The following NAV2 variants were observed in gnomAD, a reference collection of about 807,000 sequenced individuals.
NAV2 encodes helicase, APC down-regulated 1.
In NAV2, 54 loss-of-function variants were observed where a neutral mutation model predicts 223.2. That is an observed-to-expected ratio of 0.24 (90% CI 0.19 to 0.30). The LOEUF (loss-of-function observed/expected upper bound fraction) is 0.30, where lower values mean the gene tolerates loss of function less well. Ranked by LOEUF, NAV2 falls within the 10% of genes least tolerant of loss-of-function variation. The pLI, the probability that NAV2 is intolerant of heterozygous loss-of-function variation, is 1.00. For missense variants in NAV2, 2,806 were observed against 3,147.5 expected (o/e 0.89, Z 2.60); for synonymous variants, 1,279 against 1,239.3 (o/e 1.03, Z -0.67).
rs561630155 is a variant in NAV2 at position 19,723,266 on chromosome 11, C to T, written c.267+9304C>T. On this transcript the variant is annotated intron_variant, in intron 1 of 37. Transcript: ENST00000349880. ...TACATAATCTCATTTAATCCTCAAA[C>T]GAACTTTCTGAGCTGATATTATTGA... Among the ~76,000 whole-genome samples the T allele has an allele frequency of 3.5e-4, 54 of 152,330 alleles. 1 individual carries two copies. The highest frequency in any genetic ancestry group is 1.2e-3 in the South Asian group (6 of 4,822).
intron 11 of NAV2, among the ~76,000 whole-genome samples, chr11:20,025,777 G>C (rs1041580439): frequency 1.3e-5 from 2 of 152,170 alleles, no homozygotes; most frequent in African/African-American, 4.8e-5. Context: ...TGTAGACGTT[G>C]CTTCTCCCCT....
intron 11 of NAV2, among the ~76,000 whole-genome samples, chr11:20,003,881 G>A (rs1448760953): frequency 6.6e-6 from 1 of 152,174 alleles, no homozygotes; most frequent in Non-Finnish European, 1.5e-5. Context: ...CAGCCATTCT[G>A]TTCATTGGAT....
chr11:19,805,772 C>A (rs376694012), intron 1 of NAV2, among the ~76,000 whole-genome samples: 17 of 152,182 alleles, frequency 1.1e-4, no homozygotes, highest in Non-Finnish European at 2.1e-4. Context: ...CTTTACCAAA[C>A]GTACTTCTCA....
At chr11:19,852,922 T>C (rs1401068090) in intron 3 of NAV2, among the ~76,000 whole-genome samples, 1 of 152,238 alleles carries the variant, frequency 6.6e-6, no homozygotes, top group African/African-American at 2.4e-5. Context: ...GTTTAAGTGC[T>C]CTCAAGAAAT....
At chr11:19,948,084 A>AT (rs35277859) in intron 9 of NAV2, among the ~76,000 whole-genome samples, 10,520 of 146,684 alleles carry the variant, frequency 0.072, 500 homozygotes, top group South Asian at 0.13. Context: ...GAAAATTCTT[A>AT]TTTTTTTTTT....
chr11:19,628,074 T>C (rs2047222916), intron 1 of NAV2, among the ~76,000 whole-genome samples: 1 of 152,176 alleles, frequency 6.6e-6, no homozygotes, highest in Non-Finnish European at 1.5e-5. Flanking sequence ...TAATCACCAC[T>C]GGGGAGAATC....
At chr11:20,105,766 C>A in intron 35 of NAV2, 39 bp downstream of exon 35, 1 of 1,527,344 alleles carries the variant, frequency 6.5e-7, no homozygotes, top group Non-Finnish European at 9.0e-7. Context: ...GGGCTGGCAT[C>A]CTCAGGTGCC....
intron 1 of NAV2, among the ~76,000 whole-genome samples, chr11:19,680,008 C>CAGGA (rs1162959821): frequency 1.3e-5 from 2 of 152,142 alleles, no homozygotes; most frequent in Non-Finnish European, 2.9e-5. Context: ...GGGGCAAAGA[C>CAGGA]AGGACATCCT....
intron 1 of NAV2, among the ~76,000 whole-genome samples, chr11:19,454,071 G>A (rs1382226613): frequency 2.0e-5 from 3 of 152,156 alleles, no homozygotes; most frequent in Non-Finnish European, 4.4e-5. Context: ...AATGGTTACC[G>A]GGCTCTGAGT....
At chr11:19,831,226 G>A (rs551343147) in intron 1 of NAV2, among the ~76,000 whole-genome samples, 1 of 83,248 alleles carries the variant, frequency 1.2e-5, no homozygotes, top group Admixed American at 1.2e-4. Flanking sequence ...AGTGTTGCGG[G>A]GGGGGGGGGG....
chr11:19,793,461 A>G (rs1348167584), intron 1 of NAV2, among the ~76,000 whole-genome samples: 2 of 152,206 alleles, frequency 1.3e-5, no homozygotes, highest in Non-Finnish European at 2.9e-5. Flanking sequence ...TCACTGGGGA[A>G]GCATTGATTC....
chr11:19,599,175 C>A (rs1459903338), intron 1 of NAV2, among the ~76,000 whole-genome samples: 4 of 152,228 alleles, frequency 2.6e-5, no homozygotes, highest in Non-Finnish European at 5.9e-5. Flanking sequence ...TCTCTTTCCT[C>A]ATGCCCAACT....
rs1459538520 is a variant in NAV2 at position 19,933,245 on chromosome 11, G to A, written c.1001G>A (p.Gly334Asp). 1 of 1,600,570 alleles carries A rather than the reference G, an allele frequency of 6.2e-7. No homozygotes were observed. Among genetic ancestry groups the A allele is most frequent in the Non-Finnish European group, 8.5e-7 (1 of 1,173,340 alleles). Residue 334 changes from glycine (G) to aspartate (D), a missense_variant, in exon 7 of 38, where the codon GGC becomes GAC. By Grantham distance (94) the Gly-to-Asp change is moderately conservative. Around this residue, in one of 4 missense-constraint regions of NAV2, gnomAD observed 1,167 missense variants for 1,180.5 expected, o/e 0.99. Coordinates refer to ENST00000349880, the MANE Select transcript of NAV2 (RefSeq NM_145117.5). The surrounding 1 kb of genome is among the most constrained non-coding windows in gnomAD (Gnocchi z 4.3). ...AATGCACCTGCTTCCTTGGAGAGCG[G>A]CAGCAGCTCCACCCCTACTAATTGC... ...SDNAPASLES[G>D]SSSTPTNCST... is the part of the protein sequence containing the mutation.
At chr11:19,427,577 T>C (rs1850880846) in intron 1 of NAV2, among the ~76,000 whole-genome samples, 1 of 152,210 alleles carries the variant, frequency 6.6e-6, no homozygotes, top group Non-Finnish European at 1.5e-5. Context: ...TCAAATGGCT[T>C]CCTGGCTGTG....
chr11:19,963,561 G>C (rs573212005), intron 10 of NAV2, among the ~76,000 whole-genome samples: 2 of 152,328 alleles, frequency 1.3e-5, no homozygotes, highest in Admixed American at 6.5e-5. Flanking sequence ...GGAAGGGTAA[G>C]GTACAGAGGA....
intron 11 of NAV2, among the ~76,000 whole-genome samples, chr11:19,995,761 G>A (rs2051815449): frequency 1.3e-5 from 2 of 152,222 alleles, no homozygotes; most frequent in Admixed American, 1.3e-4. Flanking sequence ...ATTCAGAGAT[G>A]ACACTCATGA....
chr11:19,644,419 C>T (rs1271194622), intron 1 of NAV2, among the ~76,000 whole-genome samples: 3 of 152,298 alleles, frequency 2.0e-5, no homozygotes, highest in East Asian at 3.9e-4. Flanking sequence ...TATGGTGGCC[C>T]CAGGCCGGTG....
At chr11:19,558,923 T>C (rs73422220) in intron 1 of NAV2, among the ~76,000 whole-genome samples, 4,625 of 152,250 alleles carry the variant, frequency 0.03, 246 homozygotes, top group African/African-American at 0.11. Context: ...GCCCTATACA[T>C]GGTGGCGCAG....
intron 1 of NAV2, among the ~76,000 whole-genome samples, chr11:19,691,663 G>A (rs1202284738): frequency 1.3e-5 from 2 of 152,146 alleles, no homozygotes; most frequent in African/African-American, 2.4e-5. Flanking sequence ...CGCCTCTCAG[G>A]TTCACACCAT....
Sources: gnomAD v4.1 joint callset for allele counts (sites outside exome capture counted in the v4.1 genomes callset) on GRCh38, gnomAD v4.1.1 for gene constraint, gnomAD v4.1.1 regional missense constraint, Gnocchi (gnomAD v3.1) non-coding constraint, MANE v1.5 for transcripts, NCBI Gene and HGNC (gene_info 2026-07-23, HGNC 2026-07-21) for gene names.